Variants in ROBO2 observed in about 807,000 individuals in gnomAD.
ROBO2 encodes the protein roundabout homolog 2.
Under a neutral mutation model 160.8 loss-of-function variants are expected in ROBO2, and 53 were observed. The ratio of observed to expected loss-of-function variants is 0.33; its 90% CI spans 0.26 to 0.41. The LOEUF (loss-of-function observed/expected upper bound fraction) is 0.41. Ranked by LOEUF, ROBO2 falls within the 10% of genes least tolerant of loss-of-function variation. The probability of loss-of-function intolerance (pLI) is 1.00; values close to 1 mark genes in which losing one functional copy is unlikely to be tolerated. For synonymous variants in ROBO2, 664 were observed against 611.7 expected (o/e 1.09, Z -1.26); for missense variants, 1,577 against 1,722.4 (o/e 0.92, Z 1.49).
intron 13 of ROBO2, among the ~76,000 whole-genome samples, chr3:77,573,543 G>A (rs1282631767): frequency 1.3e-5 from 2 of 152,060 alleles, no homozygotes; most frequent in Non-Finnish European, 2.9e-5. Flanking sequence ...AGAGTCAGAA[G>A]TTGGTAAATT....
intron 17 of ROBO2, among the ~76,000 whole-genome samples, chr3:77,592,676 C>T (rs747340384): frequency 1.3e-5 from 2 of 152,084 alleles, no homozygotes; most frequent in Admixed American, 6.5e-5. Flanking sequence ...CTCAGCCTCC[C>T]GAATAGCTGG....
intron 2 of ROBO2, among the ~76,000 whole-genome samples, chr3:76,264,432 T>G (rs1706970189): frequency 6.6e-6 from 1 of 152,116 alleles, no homozygotes; most frequent in East Asian, 1.9e-4. Context: ...TACTTTATAG[T>G]ACATTTTCTT....
intron 2 of ROBO2, among the ~76,000 whole-genome samples, chr3:76,445,197 A>G (rs1055070311): frequency 6.6e-5 from 10 of 152,188 alleles, no homozygotes; most frequent in African/African-American, 2.4e-4. Context: ...TATAAATCAT[A>G]TTTCAAAATT....
chr3:77,509,275 A>C (rs2089044586), intron 5 of ROBO2, among the ~76,000 whole-genome samples: 1 of 152,100 alleles, frequency 6.6e-6, no homozygotes, highest in South Asian at 2.1e-4. Flanking sequence ...TGTATTTGTA[A>C]ATTTCTGTCC....
intron 2 of ROBO2, among the ~76,000 whole-genome samples, chr3:76,347,613 A>G (rs1386385594): frequency 6.6e-6 from 1 of 151,956 alleles, no homozygotes; most frequent in Middle Eastern, 3.2e-3. Flanking sequence ...CTTATTTATA[A>G]TCTTATACTT....
chr3:76,474,131 T>C (rs960882839), intron 2 of ROBO2, among the ~76,000 whole-genome samples: 1 of 152,164 alleles, frequency 6.6e-6, no homozygotes, highest in Non-Finnish European at 1.5e-5. Flanking sequence ...ATAAATACTA[T>C]ACCAGGTCGA....
chr3:76,962,593 G>A (rs555402447), intron 2 of ROBO2, among the ~76,000 whole-genome samples: 11 of 145,186 alleles, frequency 7.6e-5, no homozygotes, highest in South Asian at 4.4e-4. Flanking sequence ...AGCCAAGATC[G>A]TGCCATTGCA....
intron 2 of ROBO2, among the ~76,000 whole-genome samples, chr3:76,896,720 T>A (rs1577325899): frequency 1.3e-5 from 2 of 152,178 alleles, no homozygotes; most frequent in East Asian, 3.8e-4. Context: ...ATAACATTGG[T>A]GACTGGGAGT....
At chr3:77,637,552 A>G (rs1265637107) in intron 24 of ROBO2, among the ~76,000 whole-genome samples, 7 of 152,154 alleles carry the variant, frequency 4.6e-5, no homozygotes, top group Non-Finnish European at 8.8e-5. Context: ...TCTGCCTTAT[A>G]TGTTCAGAAG....
At chr3:77,372,806 G>T (rs957747436) in intron 2 of ROBO2, among the ~76,000 whole-genome samples, 2 of 152,014 alleles carry the variant, frequency 1.3e-5, no homozygotes, top group Admixed American at 6.6e-5. Flanking sequence ...AAGATAGGAT[G>T]ATTGGCAGGG....
In ROBO2 at chr3:76,626,854, G is replaced by A. The variant is rs2089678028; in HGVS notation, c.110-471160G>A. Among the ~76,000 whole-genome samples, 3 of 152,002 alleles carry A rather than the reference G, an allele frequency of 2.0e-5. No homozygotes were observed. In the South Asian group the frequency reaches 6.2e-4, roughly 31 times the overall value. Reference sequence around the variant, plus strand: ...ACTACAGGCGCCACCACCACACCCAGCTAATTTTTTGTATTTTAGTGGAGA... The same window carrying A: ...ACTACAGGCGCCACCACCACACCCAACTAATTTTTTGTATTTTAGTGGAGA... On this transcript the variant is annotated intron_variant, in intron 2 of 26. Coordinates refer to the ROBO2 transcript ENST00000487694.
chr3:76,226,563 A>C (rs1437021362), intron 2 of ROBO2, among the ~76,000 whole-genome samples: 1 of 152,194 alleles, frequency 6.6e-6, no homozygotes, highest in Non-Finnish European at 1.5e-5. Context: ...AGTTTGGACC[A>C]GTTTTTAACA....
chr3:76,391,255 T>G (rs1160459823), intron 2 of ROBO2, among the ~76,000 whole-genome samples: 3 of 152,140 alleles, frequency 2.0e-5, no homozygotes, highest in African/African-American at 7.2e-5. Flanking sequence ...ATTCTCAAAC[T>G]TAGTTGATGA....
chr3:76,880,140 AGTCCTTTAAT>A (rs1297197888), intron 2 of ROBO2, among the ~76,000 whole-genome samples: 1 of 152,244 alleles, frequency 6.6e-6, no homozygotes, highest in South Asian at 2.1e-4. Flanking sequence ...TGGTCAGAAC[AGTCCTTTAAT>A]GTCCTTTAAT....
intron 2 of ROBO2, among the ~76,000 whole-genome samples, chr3:76,259,815 C>T (rs1172458580): frequency 1.3e-5 from 2 of 152,008 alleles, no homozygotes; most frequent in East Asian, 3.9e-4. Context: ...AAGAAAGACC[C>T]GAGTGAACAG....
intron 2 of ROBO2, among the ~76,000 whole-genome samples, chr3:77,262,930 T>C (rs986346038): frequency 2.6e-4 from 39 of 152,170 alleles, no homozygotes; most frequent in Admixed American, 1.8e-3. Context: ...TGCTATAAAC[T>C]AAATGCCACT....
chr3:77,244,112 T>G (rs952096569), intron 2 of ROBO2, among the ~76,000 whole-genome samples: 8 of 152,202 alleles, frequency 5.3e-5, no homozygotes, highest in Non-Finnish European at 8.8e-5. Flanking sequence ...TTCATGTTAG[T>G]TTGCTTAACA....
At chr3:77,400,641 TG>T (rs2075711633) in intron 2 of ROBO2, among the ~76,000 whole-genome samples, 1 of 152,248 alleles carries the variant, frequency 6.6e-6, no homozygotes, top group African/African-American at 2.4e-5. Flanking sequence ...CACACTTCTT[TG>T]ATTGTTTTTA....
chr3:76,264,118 A>G (rs1706944961), intron 2 of ROBO2, among the ~76,000 whole-genome samples: 1 of 152,158 alleles, frequency 6.6e-6, no homozygotes, highest in African/African-American at 2.4e-5. Context: ...TATCTAATGC[A>G]TGTGGGACTT....
Sources: gnomAD v4.1 joint callset for allele counts (sites outside exome capture counted in the v4.1 genomes callset) on GRCh38, gnomAD v4.1.1 for gene constraint, MANE v1.5 for transcripts, NCBI Gene and HGNC (gene_info 2026-07-23, HGNC 2026-07-21) for gene names.